Variants in ANO2 observed in about 807,000 individuals in gnomAD.
The protein encoded by ANO2 is anoctamin-2.
Under a neutral mutation model 124.2 loss-of-function variants are expected in ANO2, and 101 were observed. The ratio of observed to expected loss-of-function variants is 0.81; its 90% CI spans 0.69 to 0.96. The LOEUF is 0.96. ANO2 is among the 40% of genes least tolerant of loss of function. The pLI, the probability that ANO2 is intolerant of heterozygous loss-of-function variation, is 0.00. For missense variants in ANO2, 1,293 were observed against 1,274.5 expected (o/e 1.01, Z -0.22); for synonymous variants, 486 against 482.5 (o/e 1.01, Z -0.09).
Position 5,923,252 on chromosome 12 carries a change from A to ACC in ANO2, c.23-449_23-448insGG, listed in dbSNP as rs1941907090. Among the ~76,000 whole-genome samples the ACC allele has an allele frequency of 4.0e-5, 3 of 74,742 alleles. 1 individual carries two copies. Among genetic ancestry groups the ACC allele is most frequent in the African/African-American group, 1.6e-4 (3 of 18,226 alleles). 49.0% of individuals were successfully genotyped at this position (74,742 alleles called of 152,430 possible). A position where few individuals can be genotyped will look rare whatever the true frequency, so the allele number is the denominator to read the frequency against. On this transcript the variant is annotated intron_variant, in intron 1 of 24. Coordinates refer to ENST00000682330, the MANE Select transcript of ANO2 (RefSeq NM_001364791.2). ...TGCACACATACACACACGCATACAC[A>ACC]CACATACACACACACACACACACAC...
intron 6 of ANO2, 132 bp from the exon 7 acceptor site, chr12:5,827,952 G>A: frequency 1.1e-6 from 1 of 931,430 alleles, no homozygotes; most frequent in Non-Finnish European, 1.6e-6. Flanking sequence ...AGCCAAGCAT[G>A]TGCCTGGCTC....
chr12:5,741,046 A>T (rs886774761), intron 12 of ANO2: 1 of 152,382 alleles, frequency 6.6e-6, no homozygotes, highest in Non-Finnish European at 1.5e-5. Flanking sequence ...CCCTATGTTC[A>T]TGGCACCCTG....
At chr12:5,808,722 G>C (rs532626421) in intron 7 of ANO2, among the ~76,000 whole-genome samples, 1 of 152,292 alleles carries the variant, frequency 6.6e-6, no homozygotes, top group South Asian at 2.1e-4. Flanking sequence ...GCCGAGGTTG[G>C]ATAACAAATC....
chr12:5,931,979 GAA>G, intron 1 of ANO2, among the ~76,000 whole-genome samples: 1 of 115,908 alleles, frequency 8.6e-6, no homozygotes, highest in Non-Finnish European at 1.9e-5. Flanking sequence ...AGTAAGGAAG[GAA>G]GACTGGTAAG....
chr12:5,888,883 C>A lies in ANO2; in HGVS notation c.534+32157G>T, dbSNP rs190609886. On this transcript the variant is annotated intron_variant, in intron 3 of 24. Coordinates refer to ENST00000682330, the MANE Select transcript of ANO2 (RefSeq NM_001364791.2). ...CAGGTGGAGCTGCCTGCCAGTCCCACGCCGTGCGCCCACACTCCTCAGCCC... is the reference window on the plus strand; with the variant it reads ...CAGGTGGAGCTGCCTGCCAGTCCCAAGCCGTGCGCCCACACTCCTCAGCCC... Among the ~76,000 whole-genome samples, 1,523 of 152,354 alleles carry A rather than the reference C, an allele frequency of 1.0e-2. 33 individuals carry two copies. The highest frequency in any genetic ancestry group is 0.033 in the African/African-American group (1,392 of 41,590).
At chr12:5,913,748 G>A (rs1471423598) in intron 3 of ANO2, among the ~76,000 whole-genome samples, 3 of 152,166 alleles carry the variant, frequency 2.0e-5, no homozygotes, top group Non-Finnish European at 4.4e-5. Flanking sequence ...AAGACTAAAT[G>A]AGCACAAGTG....
intron 19 of ANO2, among the ~76,000 whole-genome samples, chr12:5,604,190 C>A (rs368747014): frequency 6.6e-6 from 1 of 152,030 alleles, no homozygotes; most frequent in Admixed American, 6.6e-5. Flanking sequence ...GAGGAATCAG[C>A]GATGATTCTC....
chr12:5,805,211 A>C (rs1243072682), intron 9 of ANO2, among the ~76,000 whole-genome samples: 3 of 152,208 alleles, frequency 2.0e-5, no homozygotes, highest in African/African-American at 7.2e-5. Flanking sequence ...ACTAATAGGC[A>C]GGATAAAAAG....
rs1940525084 is a variant in ANO2, at chr12:5,904,306, C to T, written c.534+16734G>A. On this transcript the variant is annotated intron_variant, in intron 3 of 24. Coordinates refer to ENST00000682330, the MANE Select transcript of ANO2 (RefSeq NM_001364791.2). The surrounding 1 kb of genome is among the most constrained non-coding windows in gnomAD (Gnocchi z 4.1). ...CTGCTCCACCTGCTGGTGCCCAATA[C>T]ACCACCATTCACCTAAGGCTTTGAT... Among the ~76,000 whole-genome samples, 1 of 152,184 alleles carries T rather than the reference C, an allele frequency of 6.6e-6. No homozygotes were observed. The highest frequency in any genetic ancestry group is 2.1e-4 in the South Asian group (1 of 4,832).
intron 3 of ANO2, among the ~76,000 whole-genome samples, chr12:5,885,232 G>A (rs984608760): frequency 6.6e-6 from 1 of 152,210 alleles, no homozygotes; most frequent in African/African-American, 2.4e-5. Context: ...AAAGTTATTA[G>A]GAAGGAGTGA....
rs547356716 is a variant in ANO2 at position 5,589,947 on chromosome 12, G to A, written c.2233+9537C>T. Among the ~76,000 whole-genome samples, 26 of 152,242 alleles carry A rather than the reference G, an allele frequency of 1.7e-4. No homozygotes were observed. The East Asian group carries it at 1.7e-3, about 10-fold the overall frequency. ...GGAACCCTGATGGTTTTTGGACACC[G>A]GAGGGATATGACCAACACTACACCT... On this transcript the variant is annotated intron_variant, in intron 20 of 24. Coordinates refer to ENST00000682330, the MANE Select transcript of ANO2 (RefSeq NM_001364791.2).
chr12:5,799,704 G>C (rs773305121), intron 9 of ANO2, 133 bp from the exon 10 acceptor site: 6 of 769,934 alleles, frequency 7.8e-6, no homozygotes, highest in Non-Finnish European at 1.3e-5. Context: ...CATCCAGGGG[G>C]AGATGTTCAG....
At chr12:5,774,767 C>G (rs528141861) in intron 10 of ANO2, among the ~76,000 whole-genome samples, 148 of 152,248 alleles carry the variant, frequency 9.7e-4, no homozygotes, top group Middle Eastern at 6.8e-3. Flanking sequence ...AAGCCCAGGT[C>G]CTGCCCCCAG....
chr12:5,563,509 G>A lies in ANO2; in HGVS notation c.2787C>T (p.Asp929=), dbSNP rs773758339. 24 of 1,613,880 alleles carry A rather than the reference G, an allele frequency of 1.5e-5. No individual in the cohort carries two copies. The African/African-American group carries it at 3.2e-4, about 22-fold the overall frequency. ...TCTCTTTCTTGATCTGGTCGCTGAT[G>A]TCCGTGGGGATGTCTGGAATCATCC... The part of the protein sequence containing the change: ...VDWMIPDIPT[D]ISDQIKKEKS... The change falls in exon 25 of 25, where the codon GAC becomes GAT. Residue 929 remains aspartate (D), a synonymous_variant. Transcript: ENST00000682330.
intron 7 of ANO2, among the ~76,000 whole-genome samples, chr12:5,816,739 T>C (rs769672174): frequency 7.9e-5 from 12 of 152,158 alleles, no homozygotes; most frequent in Non-Finnish European, 1.2e-4. Flanking sequence ...CTTAGACATA[T>C]AGAGACATAC....
At chr12:5,856,084 C>G (rs1229641186) in intron 3 of ANO2, among the ~76,000 whole-genome samples, 2 of 152,146 alleles carry the variant, frequency 1.3e-5, no homozygotes, top group African/African-American at 4.8e-5. Context: ...GTAATTTAAG[C>G]TTTTCCAACT....
At position 5,908,349 on chromosome 12, in the gene ANO2, C is replaced by T. The variant is rs889439335; in HGVS notation, c.534+12691G>A. Among the ~76,000 whole-genome samples, 6 of 152,240 alleles carry T rather than the reference C, an allele frequency of 3.9e-5. No homozygotes were observed. The highest frequency in any genetic ancestry group is 2.1e-4 in the South Asian group (1 of 4,832). ...TCAACAGCATGGGCTAAAATATCCA[C>T]GGTCAAACAGACCTCAGCCCTTACC... On this transcript the variant is annotated intron_variant, in intron 3 of 24. Transcript: ENST00000682330. This position sits in a 1 kb window ranked among gnomAD's most constrained non-coding sequence, Gnocchi z 4.7.
intron 3 of ANO2, among the ~76,000 whole-genome samples, chr12:5,911,790 T>C (rs1941064777): frequency 6.6e-6 from 1 of 152,246 alleles, no homozygotes; most frequent in Admixed American, 6.5e-5. Context: ...TCTGACCTTG[T>C]GCCAGTCACA....
intron 17 of ANO2, among the ~76,000 whole-genome samples, chr12:5,614,717 T>C (rs10849303): frequency 0.66 from 100,666 of 152,108 alleles, 33,574 homozygotes; most frequent in East Asian, 0.8. Flanking sequence ...TCTGGAATTA[T>C]AGCCAGTGGG....
Sources: gnomAD v4.1 joint callset for allele counts (sites outside exome capture counted in the v4.1 genomes callset) on GRCh38, gnomAD v4.1.1 for gene constraint, Gnocchi (gnomAD v3.1) non-coding constraint, MANE v1.5 for transcripts, NCBI Gene and HGNC (gene_info 2026-07-23, HGNC 2026-07-21) for gene names.